Variants in MNT observed in about 807,000 individuals in gnomAD.
MNT encodes the protein MAX network transcriptional repressor.
In MNT, 13 loss-of-function variants were observed where a neutral mutation model predicts 40.7. The ratio of observed to expected loss-of-function variants is 0.32; its 90% CI spans 0.21 to 0.51. The LOEUF (loss-of-function observed/expected upper bound fraction) is 0.51. MNT is among the 20% of genes least tolerant of loss of function. MNT has a pLI of 0.98. For synonymous variants in MNT, 426 were observed against 354.8 expected, an observed-to-expected ratio of 1.20 and a Z score of -2.26; for missense variants, 757 against 792.0, an observed-to-expected ratio of 0.96 and a Z score of 0.53.
chr17:2,384,153 G>A lies in MNT; in HGVS notation c.*2748C>T, dbSNP rs1041743040. On this transcript the variant is annotated 3_prime_UTR_variant, in exon 6 of 6. Transcript: ENST00000174618. ...ATTACATGGATAGTATTCATGTCTCGGTAACTAAAGTCTTGGAGCATGAAC... is the reference window on the plus strand; with the variant it reads ...ATTACATGGATAGTATTCATGTCTCAGTAACTAAAGTCTTGGAGCATGAAC... The A allele has an allele frequency of 1.3e-5, 2 of 152,266 alleles. No individual in the cohort carries two copies. Among genetic ancestry groups the A allele is most frequent in the Admixed American group, 6.6e-5 (1 of 15,262 alleles). The allele number at this position is 152,266 out of a possible 1,614,324, so 9.4% of individuals were successfully genotyped here. A position where few individuals can be genotyped will look rare whatever the true frequency, so the allele number is the denominator to read the frequency against.
chr17:2,390,997 T>C (rs1442954220), intron 4 of MNT: 1 of 152,278 alleles, frequency 6.6e-6, no homozygotes, highest in African/African-American at 2.4e-5. Flanking sequence ...GTGTGGCTTT[T>C]CTTTTTTTGG....
At chr17:2,399,498 T>C (rs1241077104) in intron 1 of MNT, among the ~76,000 whole-genome samples, 8 of 152,164 alleles carry the variant, frequency 5.3e-5, no homozygotes. Context: ...GGGTTTCCCT[T>C]GCCTCGGGAT....
intron 1 of MNT, among the ~76,000 whole-genome samples, chr17:2,397,117 G>T (rs986926556): frequency 6.6e-6 from 1 of 152,182 alleles, no homozygotes; most frequent in Admixed American, 6.5e-5. Flanking sequence ...GAGTTCAGGG[G>T]CTGGGCCAGC....
intron 1 of MNT, among the ~76,000 whole-genome samples, chr17:2,397,221 G>A (rs1256812595): frequency 6.6e-6 from 1 of 152,152 alleles, no homozygotes; most frequent in Non-Finnish European, 1.5e-5. Context: ...CTTAGGTTAC[G>A]CCCGGGAGAA....
rs373911526 is a variant in MNT at position 2,386,889 on chromosome 17, G to A, written c.*12C>T. On this transcript the variant is annotated 3_prime_UTR_variant, in exon 6 of 6. Coordinates refer to ENST00000174618, the MANE Select transcript of MNT (RefSeq NM_020310.3). Reference sequence around the variant, plus strand: ...CCCTGTCCCCACTGGGGGCCTCTGAGTGGCCTCGTCCTCAAGCCAGCTTGA... The same window carrying A: ...CCCTGTCCCCACTGGGGGCCTCTGAATGGCCTCGTCCTCAAGCCAGCTTGA... 1.4e-6 allele frequency: 2 copies of A among 1,457,414 alleles called. No individual in the cohort carries two copies. Among genetic ancestry groups the A allele is most frequent in the African/African-American group, 1.4e-5 (1 of 70,000 alleles). The allele number at this position is 1,457,414 out of a possible 1,614,324, so 90.3% of individuals were successfully genotyped here.
At chr17:2,389,162 T>C (rs1263435040) in intron 4 of MNT, 2 of 152,482 alleles carry the variant, frequency 1.3e-5, no homozygotes, top group Non-Finnish European at 2.9e-5. Context: ...GTCTGCCACA[T>C]CCTCCTGCCT....
At chr17:2,392,879 G>A (rs1361570127) in intron 4 of MNT, 1 of 152,086 alleles carries the variant, frequency 6.6e-6, no homozygotes, top group Non-Finnish European at 1.5e-5. Flanking sequence ...GGGCGGAAGG[G>A]CGCGTTGGCG....
At position 2,394,879 on chromosome 17, in the gene MNT, C is replaced by CG; in HGVS notation, c.648dup (p.Gly217ArgfsTer25). ...ACCCCGCCACACCCCACTCACCCCC[C>CG]GGGCCTCTTCTTCTGTTCACTGGAT... On this transcript the variant is annotated frameshift_variant, in exon 2 of 6. Coordinates refer to ENST00000174618, the MANE Select transcript of MNT (RefSeq NM_020310.3). LOFTEE classifies it high-confidence loss of function. 6.3e-7 allele frequency: 1 copy of CG among 1,576,940 alleles called. No homozygotes were observed. The highest frequency in any genetic ancestry group is 8.6e-7 in the Non-Finnish European group (1 of 1,162,054).
At chr17:2,398,983 C>G (rs887510917) in intron 1 of MNT, among the ~76,000 whole-genome samples, 10 of 151,522 alleles carry the variant, frequency 6.6e-5, no homozygotes, top group African/African-American at 1.9e-4. Flanking sequence ...AGCTCCCCCG[C>G]CCCTTGCCCG....
chr17:2,393,011 G>A (rs2066535690), intron 4 of MNT, among the ~76,000 whole-genome samples: 1 of 152,048 alleles, frequency 6.6e-6, no homozygotes, highest in South Asian at 2.1e-4. Context: ...CGGGGGAGGG[G>A]CGGCGCCCAG....
chr17:2,392,077 G>A (rs58012574), intron 4 of MNT: 13,597 of 152,232 alleles, frequency 0.089, 800 homozygotes, highest in African/African-American at 0.16. Context: ...CTCAGGAACA[G>A]CTATCCTCCC....
intron 1 of MNT, among the ~76,000 whole-genome samples, chr17:2,400,073 G>T (rs1330488078): frequency 6.6e-6 from 1 of 152,192 alleles, no homozygotes; most frequent in Non-Finnish European, 1.5e-5. Context: ...GCGGCGCGTA[G>T]ATCTGCCGGG....
chr17:2,386,786 G>T lies in MNT; in HGVS notation c.*115C>A, dbSNP rs2066465526. On this transcript the variant is annotated 3_prime_UTR_variant, in exon 6 of 6. Coordinates refer to ENST00000174618, the MANE Select transcript of MNT (RefSeq NM_020310.3). ...ACCCCCTTCCCCTAGGAGGCCTGGG[G>T]GTGGGTGGGGGGGCTGGCCTGGGCC... is the stretch of plus-strand genomic sequence containing the variant. 6.9e-6 allele frequency: 8 copies of T among 1,157,174 alleles called. No individual in the cohort carries two copies. Among genetic ancestry groups the T allele is most frequent in the Non-Finnish European group, 9.4e-6 (8 of 850,308 alleles). The allele number at this position is 1,157,174 out of a possible 1,614,324, so 71.7% of individuals were successfully genotyped here. A position where few individuals can be genotyped will look rare whatever the true frequency, so the allele number is the denominator to read the frequency against.
At chr17:2,393,122 G>A (rs1329059642) in intron 4 of MNT, among the ~76,000 whole-genome samples, 6 of 147,770 alleles carry the variant, frequency 4.1e-5, no homozygotes, top group Non-Finnish European at 8.9e-5. Context: ...GACAGGGAGA[G>A]TCCCGGCTCG....
At chr17:2,397,585 CCTT>C (rs1359139521) in intron 1 of MNT, among the ~76,000 whole-genome samples, 3 of 152,194 alleles carry the variant, frequency 2.0e-5, no homozygotes, top group Non-Finnish European at 4.4e-5. Context: ...GTAGCAACCT[CCTT>C]CTCACCTGCC....
At chr17:2,399,196 C>T (rs1388664070) in intron 1 of MNT, among the ~76,000 whole-genome samples, 8 of 152,138 alleles carry the variant, frequency 5.3e-5, no homozygotes, top group Admixed American at 5.2e-4. Context: ...ACAGGAGTCC[C>T]CGGGTCCTGC....
At chr17:2,392,467 G>A (rs1038730152) in intron 4 of MNT, among the ~76,000 whole-genome samples, 7 of 152,198 alleles carry the variant, frequency 4.6e-5, no homozygotes, top group Admixed American at 2.0e-4. Context: ...AGTAGTATCT[G>A]CAAAGAGGAA....
intron 1 of MNT, among the ~76,000 whole-genome samples, chr17:2,398,469 A>G (rs1290944807): frequency 1.3e-5 from 2 of 152,236 alleles, no homozygotes; most frequent in African/African-American, 4.8e-5. Context: ...TTCACCTGCC[A>G]TGCCCTTCCT....
intron 4 of MNT, among the ~76,000 whole-genome samples, chr17:2,392,328 C>T (rs1302209302): frequency 2.6e-5 from 4 of 152,194 alleles, no homozygotes; most frequent in Non-Finnish European, 5.9e-5. Flanking sequence ...TTCTGCACAG[C>T]CTGAGTGAGG....
Sources: gnomAD v4.1 joint callset for allele counts (sites outside exome capture counted in the v4.1 genomes callset) on GRCh38, gnomAD v4.1.1 for gene constraint, MANE v1.5 for transcripts, NCBI Gene and HGNC (gene_info 2026-07-23, HGNC 2026-07-21) for gene names.